The following PTPRK variants were observed in gnomAD, a reference collection of about 807,000 sequenced individuals.
PTPRK encodes receptor-type tyrosine-protein phosphatase kappa.
PTPRK carries 75 observed loss-of-function variants against 178.0 expected under a neutral mutation model. That is an observed-to-expected ratio of 0.42 (90% CI 0.35 to 0.51). The LOEUF (loss-of-function observed/expected upper bound fraction) is 0.51. Ranked by LOEUF, PTPRK falls within the 20% of genes least tolerant of loss-of-function variation. PTPRK has a pLI of 0.02. For missense variants in PTPRK, 1,441 were observed against 1,797.8 expected (o/e 0.80, Z 3.59); for synonymous variants, 637 against 620.6 (o/e 1.03, Z -0.39).
chr6:128,138,011 T>C (rs896506048), intron 7 of PTPRK, among the ~76,000 whole-genome samples: 12 of 152,130 alleles, frequency 7.9e-5, no homozygotes, highest in African/African-American at 2.7e-4. Flanking sequence ...ACACAGATAT[T>C]TGACTTACAA....
At chr6:128,317,775 C>T (rs76907366) in intron 3 of PTPRK, among the ~76,000 whole-genome samples, 2,043 of 152,226 alleles carry the variant, frequency 0.013, 47 homozygotes, top group African/African-American at 0.045. Context: ...ACAACACTCT[C>T]TTTATTATCA....
At chr6:128,251,067 C>A (rs974227445) in intron 3 of PTPRK, among the ~76,000 whole-genome samples, 8 of 152,100 alleles carry the variant, frequency 5.3e-5, no homozygotes, top group Admixed American at 1.3e-4. Flanking sequence ...TGTGAAAAGG[C>A]CTTTAGTCAA....
chr6:128,288,049 T>A (rs1481508931), intron 3 of PTPRK, among the ~76,000 whole-genome samples: 1 of 152,192 alleles, frequency 6.6e-6, no homozygotes, highest in Admixed American at 6.6e-5. Flanking sequence ...AAATCTCTAC[T>A]GGAGGCTTTC....
At chr6:128,231,923 TTCTTAATTTGTCC>T (rs1172271727) in intron 5 of PTPRK, among the ~76,000 whole-genome samples, 4 of 152,194 alleles carry the variant, frequency 2.6e-5, no homozygotes, top group Non-Finnish European at 5.9e-5. Flanking sequence ...ATCGTTTTGT[TTCTTAATTTGTCC>T]TCTCCTTTGC....
chr6:128,475,155 G>C (rs71568904), intron 1 of PTPRK, among the ~76,000 whole-genome samples: 4,188 of 152,192 alleles, frequency 0.028, 68 homozygotes, highest in African/African-American at 0.037. Flanking sequence ...TATCAGCTAT[G>C]TGACCTTGGG....
chr6:128,265,724 G>C (rs1313683748), intron 3 of PTPRK, among the ~76,000 whole-genome samples: 1 of 152,008 alleles, frequency 6.6e-6, no homozygotes, highest in Non-Finnish European at 1.5e-5. Flanking sequence ...TCTCTAAGGT[G>C]GTACAACATT....
Position 128,248,219 on chromosome 6 carries a change from C to A in PTPRK, c.496-5617G>T, listed in dbSNP as rs375213810. 1.7e-4 allele frequency among the ~76,000 whole-genome samples: 26 copies of A among 152,294 alleles called. 1 individual carries two copies. Among genetic ancestry groups the A allele is most frequent in the Admixed American group, 1.0e-3 (16 of 15,294 alleles). ...TAGTTAACTTTGTGTCCTTAAAGCT[C>A]AAATACTGTCTATCACAAAGTAGAC... On this transcript the variant is annotated intron_variant, in intron 3 of 29. Coordinates refer to ENST00000368226, the MANE Select transcript of PTPRK (RefSeq NM_002844.4).
chr6:128,441,410 T>C (rs545882933), intron 1 of PTPRK, among the ~76,000 whole-genome samples: 3 of 152,190 alleles, frequency 2.0e-5, no homozygotes, highest in East Asian at 3.9e-4. Flanking sequence ...AGAGATAGTT[T>C]AGCCTTGTCT....
At chr6:128,427,274 A>T (rs1844260599) in intron 1 of PTPRK, among the ~76,000 whole-genome samples, 1 of 152,196 alleles carries the variant, frequency 6.6e-6, no homozygotes, top group Non-Finnish European at 1.5e-5. Flanking sequence ...GGTGTTATGT[A>T]ATTTAGCCAA....
At chr6:128,234,950 C>A (rs1475657110) in intron 5 of PTPRK, among the ~76,000 whole-genome samples, 1 of 152,034 alleles carries the variant, frequency 6.6e-6, no homozygotes, top group Admixed American at 6.5e-5. Context: ...TTCAGTAGCA[C>A]CATAGGGTGA....
chr6:128,062,346 C>CAGT (rs1780987393), intron 13 of PTPRK: 2 of 166,978 alleles, frequency 1.2e-5, no homozygotes, highest in South Asian at 4.2e-4. Flanking sequence ...GCTGGAGCTA[C>CAGT]AGGCACAAGT....
intron 7 of PTPRK, among the ~76,000 whole-genome samples, chr6:128,103,434 A>T (rs1359388750): frequency 6.6e-6 from 1 of 152,160 alleles, no homozygotes; most frequent in African/African-American, 2.4e-5. Context: ...GAGCACTGTA[A>T]CATACCCACT....
intron 7 of PTPRK, among the ~76,000 whole-genome samples, chr6:128,098,887 T>C (rs78268331): frequency 7.2e-5 from 11 of 152,160 alleles, no homozygotes; most frequent in African/African-American, 2.4e-4. Flanking sequence ...AATGGATATA[T>C]TTTTGTCTTC....
intron 7 of PTPRK, among the ~76,000 whole-genome samples, chr6:128,154,316 A>T (rs138729828): frequency 6.6e-6 from 1 of 151,846 alleles, no homozygotes; most frequent in Non-Finnish European, 1.5e-5. Context: ...TCAGAATGGC[A>T]ATAGCAAAAA....
rs560097863 is a variant in PTPRK at position 128,347,843 on chromosome 6, G to A, written c.224-25533C>T. 3.3e-4 allele frequency among the ~76,000 whole-genome samples: 50 copies of A among 152,028 alleles called. No homozygotes were observed. The South Asian group carries it at 4.4e-3, about 13-fold the overall frequency. On this transcript the variant is annotated intron_variant, in intron 2 of 29. Coordinates refer to ENST00000368226, the MANE Select transcript of PTPRK (RefSeq NM_002844.4). ...TTATTTATAACACTCCGATCTCTAC[G>A]TTGTAATTAAAATTTAAAAGTGCAA...
intron 1 of PTPRK, among the ~76,000 whole-genome samples, chr6:128,442,614 T>C (rs1288917518): frequency 6.6e-6 from 1 of 152,192 alleles, no homozygotes; most frequent in Admixed American, 6.6e-5. Flanking sequence ...ACCAAACACC[T>C]ATCTCATTTC....
intron 1 of PTPRK, among the ~76,000 whole-genome samples, chr6:128,400,216 T>C (rs6569526): frequency 0.97 from 147,674 of 152,196 alleles, 71,778 homozygotes; most frequent in East Asian, 1. Context: ...AATTGGCTAC[T>C]CACACCAGGG....
intron 3 of PTPRK, among the ~76,000 whole-genome samples, chr6:128,254,748 A>AG (rs996070696): frequency 6.6e-6 from 1 of 152,034 alleles, no homozygotes; most frequent in African/African-American, 2.4e-5. Flanking sequence ...TCAAAAAAAA[A>AG]AGAAGGAAAC....
intron 12 of PTPRK, 86 bp from the exon 13 acceptor site, chr6:128,064,880 T>A: frequency 2.9e-6 from 4 of 1,375,954 alleles, no homozygotes; most frequent in Non-Finnish European, 3.8e-6. Flanking sequence ...TGAAGATCCA[T>A]CTGGGGTCAT....
Sources: gnomAD v4.1 joint callset for allele counts (sites outside exome capture counted in the v4.1 genomes callset) on GRCh38, gnomAD v4.1.1 for gene constraint, MANE v1.5 for transcripts, NCBI Gene and HGNC (gene_info 2026-07-23, HGNC 2026-07-21) for gene names.